Variants in KCNMA1 observed in about 807,000 individuals in gnomAD.
The protein encoded by KCNMA1 is Calcium-activated potassium channel subunit alpha-1.
In KCNMA1, 29 loss-of-function variants were observed where a neutral mutation model predicts 140.0. The ratio of observed to expected loss-of-function variants is 0.21; its 90% CI spans 0.15 to 0.28. The LOEUF (loss-of-function observed/expected upper bound fraction) is 0.28. Among genes scored for constraint, KCNMA1 ranks in the 10% least tolerant of loss-of-function variants. The probability of loss-of-function intolerance (pLI) is 1.00; values close to 1 mark genes in which losing one functional copy is unlikely to be tolerated. For missense variants in KCNMA1, 880 were observed against 1,602.2 expected (o/e 0.55, Z 7.70); for synonymous variants, 612 against 611.9 (o/e 1.00, Z 0.00).
intron 1 of KCNMA1, among the ~76,000 whole-genome samples, chr10:77,558,033 A>G (rs977181972): frequency 1.3e-5 from 2 of 152,208 alleles, no homozygotes; most frequent in Non-Finnish European, 2.9e-5. Flanking sequence ...TAACAATATG[A>G]ATTAATAATA....
At chr10:77,531,857 T>C (rs564598160) in intron 1 of KCNMA1, among the ~76,000 whole-genome samples, 1 of 152,278 alleles carries the variant, frequency 6.6e-6, no homozygotes, top group Admixed American at 6.5e-5. Flanking sequence ...CTCAGCTGTG[T>C]CAGTCCAGGG....
At chr10:77,310,268 C>T (rs948034828) in intron 2 of KCNMA1, among the ~76,000 whole-genome samples, 12 of 152,186 alleles carry the variant, frequency 7.9e-5, no homozygotes, top group Middle Eastern at 3.4e-3. Context: ...TTAGGAGTGC[C>T]CCCTCAGCTG....
chr10:77,631,280 C>T (rs1488180020), intron 1 of KCNMA1, among the ~76,000 whole-genome samples: 13 of 152,262 alleles, frequency 8.5e-5, no homozygotes, highest in African/African-American at 1.9e-4. Context: ...GTGCCTAATG[C>T]GTGGGGTTCC....
intron 3 of KCNMA1, among the ~76,000 whole-genome samples, chr10:77,219,307 C>T (rs533891068): frequency 6.6e-6 from 1 of 152,288 alleles, no homozygotes; most frequent in Non-Finnish European, 1.5e-5. Context: ...ACGTTCATTT[C>T]TTTGAAGCAC....
intron 19 of KCNMA1, chr10:76,973,246 C>G (rs1352284452): frequency 3.3e-5 from 5 of 152,210 alleles, no homozygotes; most frequent in African/African-American, 1.2e-4. Flanking sequence ...CAAACAAGTT[C>G]AGGAATCTAA....
chr10:77,455,402 G>A (rs927393012), intron 1 of KCNMA1, among the ~76,000 whole-genome samples: 7 of 152,164 alleles, frequency 4.6e-5, no homozygotes, highest in Non-Finnish European at 7.4e-5. Context: ...TGATGAGTGG[G>A]ACTGTACCCT....
chr10:77,419,076 A>G (rs1048296827), intron 1 of KCNMA1, among the ~76,000 whole-genome samples: 1 of 152,060 alleles, frequency 6.6e-6, no homozygotes, highest in Admixed American at 6.6e-5. Flanking sequence ...AAGACCCACA[A>G]TCTCCCCTGG....
At chr10:77,239,561 T>C (rs1194714833) in intron 3 of KCNMA1, among the ~76,000 whole-genome samples, 1 of 152,178 alleles carries the variant, frequency 6.6e-6, no homozygotes, top group Non-Finnish European at 1.5e-5. Flanking sequence ...AGTGTCCTGA[T>C]AGGTAAAAGG....
intron 14 of KCNMA1, among the ~76,000 whole-genome samples, chr10:77,059,072 A>T (rs1466938877): frequency 6.6e-6 from 1 of 151,986 alleles, no homozygotes; most frequent in East Asian, 1.9e-4. Flanking sequence ...ACTATGAATA[A>T]CTCTACATAC....
rs776261422 is a variant in KCNMA1 at position 77,110,362 on chromosome 10, G to C, written c.961-19C>G. On this transcript the variant is annotated intron_variant, in intron 7 of 27. Transcript: ENST00000286628. ...TCTCCACCTAAAGCAAATGGGACAG[G>C]GGAGAAAAAAGAAAAACATGCTATT... 1.2e-6 allele frequency: 2 copies of C among 1,609,876 alleles called. No homozygotes were observed. Among genetic ancestry groups the C allele is most frequent in the African/African-American group, 2.7e-5 (2 of 74,796 alleles).
chr10:77,132,279 G>T (rs2097878985), intron 5 of KCNMA1, among the ~76,000 whole-genome samples: 1 of 152,060 alleles, frequency 6.6e-6, no homozygotes, highest in Non-Finnish European at 1.5e-5. Context: ...AAAGTAGAGG[G>T]CTGAACTATC....
chr10:77,128,907 C>T (rs945040980), intron 5 of KCNMA1, among the ~76,000 whole-genome samples: 1 of 152,170 alleles, frequency 6.6e-6, no homozygotes, highest in South Asian at 2.1e-4. Flanking sequence ...GCATTTCTAA[C>T]AAGCTCTAAG....
intron 2 of KCNMA1, among the ~76,000 whole-genome samples, chr10:77,324,634 C>G (rs1469724763): frequency 6.6e-6 from 1 of 152,126 alleles, no homozygotes; most frequent in African/African-American, 2.4e-5. Flanking sequence ...GACTCAAACT[C>G]CCATAATTCT....
intron 3 of KCNMA1, among the ~76,000 whole-genome samples, chr10:77,206,576 C>G (rs1339511768): frequency 1.3e-5 from 2 of 152,168 alleles, no homozygotes; most frequent in African/African-American, 4.8e-5. Flanking sequence ...ATTACTCTCT[C>G]TCTTTCCCAC....
chr10:76,969,859 C>CAG, intron 20 of KCNMA1, 115 bp downstream of exon 20: 1 of 790,746 alleles, frequency 1.3e-6, no homozygotes, highest in Non-Finnish European at 2.3e-6. Flanking sequence ...CTCCCCTCCC[C>CAG]CACCCCGGGC....
rs527704964 is a variant in KCNMA1 at position 77,483,859 on chromosome 10, G to A, written c.379-79836C>T. 6.6e-5 allele frequency among the ~76,000 whole-genome samples: 10 copies of A among 152,270 alleles called. No homozygotes were observed. The East Asian group carries it at 9.7e-4, about 15-fold the overall frequency. Reference sequence around the variant, plus strand: ...CACTGTCGCCCAAGCAATTCTCATCGTGACAAAAGAACACTCTGGACAATC... The same window carrying A: ...CACTGTCGCCCAAGCAATTCTCATCATGACAAAAGAACACTCTGGACAATC... On this transcript the variant is annotated intron_variant, in intron 1 of 27. Coordinates refer to ENST00000286628, the MANE Select transcript of KCNMA1 (RefSeq NM_001161352.2).
chr10:77,332,250 A>G (rs2086726966), intron 2 of KCNMA1, among the ~76,000 whole-genome samples: 1 of 152,180 alleles, frequency 6.6e-6, no homozygotes, highest in African/African-American at 2.4e-5. Flanking sequence ...AGGGAAAAAA[A>G]GGAGAGAGAG....
At chr10:77,310,060 G>T (rs1189267346) in intron 2 of KCNMA1, among the ~76,000 whole-genome samples, 1 of 152,154 alleles carries the variant, frequency 6.6e-6, no homozygotes, top group Non-Finnish European at 1.5e-5. Context: ...TTCATGGGTT[G>T]GGAGGATTTG....
At chr10:77,225,750 C>T (rs1334142859) in intron 3 of KCNMA1, among the ~76,000 whole-genome samples, 1 of 152,190 alleles carries the variant, frequency 6.6e-6, no homozygotes, top group Non-Finnish European at 1.5e-5. Context: ...TAGCAGGCAC[C>T]AAGGGGCCAT....
Sources: gnomAD v4.1 joint callset for allele counts (sites outside exome capture counted in the v4.1 genomes callset) on GRCh38, gnomAD v4.1.1 for gene constraint, MANE v1.5 for transcripts, NCBI Gene and HGNC (gene_info 2026-07-23, HGNC 2026-07-21) for gene names.